The following SLC9C2 variants were observed in gnomAD, a reference collection of about 807,000 sequenced individuals.
SLC9C2 encodes sodium/hydrogen exchanger 11.
Under a neutral mutation model 140.2 loss-of-function variants are expected in SLC9C2, and 75 were observed. That is an observed-to-expected ratio of 0.53 (90% CI 0.44 to 0.65). The LOEUF is 0.65. Among genes scored for constraint, SLC9C2 ranks in the 30% least tolerant of loss-of-function variants. SLC9C2 has a pLI of 0.00. For synonymous variants in SLC9C2, 375 were observed against 420.9 expected (o/e 0.89, Z 1.34); for missense variants, 1,074 against 1,331.8 (o/e 0.81, Z 3.01).
intron 23 of SLC9C2, 62 bp downstream of exon 23, chr1:173,517,475 T>C (rs1226599970): frequency 1.4e-6 from 2 of 1,451,742 alleles, no homozygotes; most frequent in African/African-American, 1.5e-5. Flanking sequence ...AAAGAAAAGA[T>C]GCTGGTATTT....
chr1:173,517,450 T>C, intron 23 of SLC9C2, 87 bp downstream of exon 23: 1 of 1,325,844 alleles, frequency 7.5e-7, no homozygotes, highest in Non-Finnish European at 1.0e-6. Context: ...GTGACTAAGA[T>C]GTCAAAACCC....
chr1:173,573,146 C>A (rs755828608), intron 9 of SLC9C2, 36 bp downstream of exon 9: 7 of 1,409,172 alleles, frequency 5.0e-6, no homozygotes, highest in Non-Finnish European at 6.7e-6. Context: ...TTGAGAATCT[C>A]AGTTTAGTAA....
rs745362158 is a variant in SLC9C2, at chr1:173,521,328, G to A, written c.2712C>T (p.Ile904=). 2.6e-6 allele frequency: 4 copies of A among 1,534,308 alleles called. No homozygotes were observed. The highest frequency in any genetic ancestry group is 3.5e-6 in the Non-Finnish European group (4 of 1,148,832). Residue 904 remains isoleucine (I), a synonymous_variant, in exon 22 of 28, where the codon ATC becomes ATT. Coordinates refer to ENST00000367714, the MANE Select transcript of SLC9C2 (RefSeq NM_178527.4). ...TTGCCATTCCTGAAATAATTAAGTA[G>A]ATTCCTTGTGGCATTTCACCTCCTT... The part of the protein sequence containing the change: ...ICKGGEMPQG[I]YLIISGMAIL...
intron 10 of SLC9C2, 137 bp from the exon 11 acceptor site, chr1:173,554,951 AG>A (rs1230229966): frequency 1.1e-5 from 7 of 640,074 alleles, no homozygotes; most frequent in African/African-American, 9.2e-5. Context: ...CTGATAAGTC[AG>A]TTAAGGCAAA....
intron 23 of SLC9C2, among the ~76,000 whole-genome samples, chr1:173,516,111 A>G (rs1234637956): frequency 1.3e-5 from 2 of 152,150 alleles, no homozygotes; most frequent in African/African-American, 4.8e-5. Flanking sequence ...AGGGTGTCTG[A>G]TAACCCCTAT....
At chr1:173,592,198 G>A (rs1384430426) in intron 4 of SLC9C2, among the ~76,000 whole-genome samples, 1 of 151,958 alleles carries the variant, frequency 6.6e-6, no homozygotes, top group Non-Finnish European at 1.5e-5. Context: ...CTTATTTTTG[G>A]GCTCTGTATT....
At chr1:173,543,220 A>AAACC (rs1571516434) in intron 13 of SLC9C2, among the ~76,000 whole-genome samples, 1 of 152,124 alleles carries the variant, frequency 6.6e-6, no homozygotes, top group East Asian at 1.9e-4. Context: ...AATAACAGAC[A>AAACC]GAGAGCCAAA....
chr1:173,591,578 G>A (rs1044010158), intron 4 of SLC9C2, among the ~76,000 whole-genome samples: 1 of 152,088 alleles, frequency 6.6e-6, no homozygotes, highest in Non-Finnish European at 1.5e-5. Context: ...TCTGACTGGT[G>A]TGAGATAGTA....
chr1:173,584,127 A>T (rs1254151714), intron 5 of SLC9C2, among the ~76,000 whole-genome samples: 1 of 152,188 alleles, frequency 6.6e-6, no homozygotes, highest in African/African-American at 2.4e-5. Flanking sequence ...TAAATGAATA[A>T]ATATATGTGA....
intron 9 of SLC9C2, among the ~76,000 whole-genome samples, chr1:173,563,118 C>T (rs971712133): frequency 6.6e-5 from 10 of 151,508 alleles, no homozygotes; most frequent in Admixed American, 6.6e-4. Flanking sequence ...CAGAGGATAG[C>T]CTTGGAAGGA....
At chr1:173,533,531 G>T in intron 17 of SLC9C2, 78 bp downstream of exon 17, 1 of 1,077,888 alleles carries the variant, frequency 9.3e-7, no homozygotes, top group Non-Finnish European at 1.3e-6. Flanking sequence ...ACCCACCTAG[G>T]CCTCCCAAAG....
At chr1:173,549,259 T>C in intron 11 of SLC9C2, among the ~76,000 whole-genome samples, 1 of 152,202 alleles carries the variant, frequency 6.6e-6, no homozygotes, top group East Asian at 1.9e-4. Context: ...AGTTTAACTT[T>C]ATTTCACTCT....
At chr1:173,591,294 G>T (rs1449636226) in intron 4 of SLC9C2, among the ~76,000 whole-genome samples, 1 of 152,108 alleles carries the variant, frequency 6.6e-6, no homozygotes, top group Non-Finnish European at 1.5e-5. Flanking sequence ...GCGTTAAGTT[G>T]ATTCCATATC....
At chr1:173,538,182 G>A (rs1662111596) in intron 13 of SLC9C2, among the ~76,000 whole-genome samples, 1 of 152,172 alleles carries the variant, frequency 6.6e-6, no homozygotes, top group African/African-American at 2.4e-5. Flanking sequence ...ATGGGGCAAT[G>A]GCCAGGCTCT....
chr1:173,524,231 C>G (rs1661035360), intron 20 of SLC9C2, 137 bp from the exon 21 acceptor site: 6 of 803,758 alleles, frequency 7.5e-6, no homozygotes, highest in Non-Finnish European at 1.1e-5. Context: ...TTGTCTCATC[C>G]TATCTAAATT....
intron 4 of SLC9C2, among the ~76,000 whole-genome samples, chr1:173,588,272 G>A (rs990722539): frequency 6.6e-6 from 1 of 152,086 alleles, no homozygotes; most frequent in African/African-American, 2.4e-5. Flanking sequence ...AAAATAAGTA[G>A]TTCTGCAATA....
At chr1:173,575,701 C>G (rs1665133361) in intron 8 of SLC9C2, among the ~76,000 whole-genome samples, 1 of 152,048 alleles carries the variant, frequency 6.6e-6, no homozygotes, top group Admixed American at 6.6e-5. Context: ...CTCAGCCTCC[C>G]AAGTAGCTGG....
chr1:173,589,162 A>G (rs1455451105), intron 4 of SLC9C2, among the ~76,000 whole-genome samples: 1 of 152,222 alleles, frequency 6.6e-6, no homozygotes, highest in Non-Finnish European at 1.5e-5. Context: ...ATACTGGTTC[A>G]CATAACTTAC....
At chr1:173,583,340 C>T (rs770793492) in intron 6 of SLC9C2, among the ~76,000 whole-genome samples, 166 bp downstream of exon 6, 7 of 151,878 alleles carry the variant, frequency 4.6e-5, no homozygotes, top group African/African-American at 1.2e-4. Flanking sequence ...TGGTTGAATC[C>T]GTGGATGCAG....
Sources: allele counts gnomAD v4.1 joint callset (sites outside exome capture counted in the v4.1 genomes callset), GRCh38; gene constraint gnomAD v4.1.1; transcripts MANE v1.5; gene names NCBI Gene and HGNC (gene_info 2026-07-23, HGNC 2026-07-21).